EPHB2: variants seen among roughly 807,000 people sequenced by gnomAD.
EPHB2 encodes the protein EPH receptor B2, also known as ephrin type-B receptor 2.
A neutral mutation model predicts 96.4 loss-of-function variants in EPHB2; 18 were observed. That is an observed-to-expected ratio of 0.19 (90% confidence interval 0.13 to 0.28). The LOEUF is 0.28. Ranked by LOEUF, EPHB2 falls within the 10% of genes least tolerant of loss-of-function variation. The probability of loss-of-function intolerance (pLI) is 1.00; values close to 1 mark genes in which losing one functional copy is unlikely to be tolerated. For missense variants in EPHB2, 989 were observed against 1,355.4 expected (o/e 0.73, Z 4.25); for synonymous variants, 506 against 534.1 (o/e 0.95, Z 0.72).
intron 6 of EPHB2, among the ~76,000 whole-genome samples, chr1:22,892,249 C>T (rs369842280): frequency 6.6e-6 from 1 of 152,166 alleles, no homozygotes; most frequent in Admixed American, 6.5e-5. Context: ...GAAGGGGATA[C>T]AGAAGTGAAT....
chr1:22,824,438 G>A (rs150361443), intron 3 of EPHB2, among the ~76,000 whole-genome samples: 304 of 152,300 alleles, frequency 2.0e-3, no homozygotes, highest in African/African-American at 6.7e-3. Flanking sequence ...TTCCAGAGCT[G>A]TTGTGTATTG....
At chr1:22,818,333 T>A (rs1645103149) in intron 3 of EPHB2, among the ~76,000 whole-genome samples, 1 of 152,062 alleles carries the variant, frequency 6.6e-6, no homozygotes, top group African/African-American at 2.4e-5. Context: ...CTCCTAAATA[T>A]CCCTGAGTAG....
intron 9 of EPHB2, among the ~76,000 whole-genome samples, chr1:22,901,019 A>C (rs1294640555): frequency 6.6e-6 from 1 of 152,234 alleles, no homozygotes; most frequent in African/African-American, 2.4e-5. Flanking sequence ...GCCACTGGCC[A>C]GCTGGGTGAC....
chr1:22,758,153 C>T (rs1175020929), intron 1 of EPHB2, among the ~76,000 whole-genome samples: 3 of 147,136 alleles, frequency 2.0e-5, no homozygotes, highest in Admixed American at 6.8e-5. Context: ...CTCCTGACCT[C>T]GTGATCCGCC....
chr1:22,727,687 A>G (rs1343247562), intron 1 of EPHB2, among the ~76,000 whole-genome samples: 3 of 151,730 alleles, frequency 2.0e-5, no homozygotes. Context: ...CAAGGGAGAT[A>G]AGTTGGTGTC....
intron 1 of EPHB2, among the ~76,000 whole-genome samples, chr1:22,730,023 A>G (rs1643671851): frequency 6.6e-6 from 1 of 152,198 alleles, no homozygotes; most frequent in African/African-American, 2.4e-5. Context: ...CTTTAATTGA[A>G]CGGAGTGGGA....
intron 1 of EPHB2, among the ~76,000 whole-genome samples, chr1:22,776,329 A>T (rs1332549278): frequency 6.6e-6 from 1 of 152,206 alleles, no homozygotes; most frequent in Non-Finnish European, 1.5e-5. Flanking sequence ...CCTGGAAGCC[A>T]TCCCTAAATT....
rs114924939 is a variant in EPHB2, at chr1:22,717,940, T to C, written c.61+6897T>C. Among the ~76,000 whole-genome samples the C allele has an allele frequency of 9.5e-3, 1,448 of 152,306 alleles. 27 individuals are homozygous for C. The highest frequency in any genetic ancestry group is 0.033 in the African/African-American group (1,381 of 41,560). On this transcript the variant is annotated intron_variant, in intron 1 of 15. Transcript: ENST00000374630. ...TCTTTCAAATGGGGGTAATCATTGT[T>C]CCTAGCTCTTGAGATGGTTGTGAGC...
At chr1:22,904,719 G>T (rs1324535919) in intron 9 of EPHB2, among the ~76,000 whole-genome samples, 1 of 152,222 alleles carries the variant, frequency 6.6e-6, no homozygotes, top group Non-Finnish European at 1.5e-5. Context: ...GCAAAGGAAT[G>T]AGCATGGTTG....
At chr1:22,719,922 T>C (rs544533991) in intron 1 of EPHB2, among the ~76,000 whole-genome samples, 2 of 152,332 alleles carry the variant, frequency 1.3e-5, no homozygotes, top group South Asian at 2.1e-4. Context: ...ATTCAGTGGA[T>C]TGGCTGGGCT....
At chr1:22,896,798 G>A (rs1391031661) in intron 9 of EPHB2, among the ~76,000 whole-genome samples, 1 of 152,208 alleles carries the variant, frequency 6.6e-6, no homozygotes, top group African/African-American at 2.4e-5. Flanking sequence ...CTCGCAGGCT[G>A]CATTGAGGTG....
intron 3 of EPHB2, among the ~76,000 whole-genome samples, chr1:22,789,766 G>A (rs1394392457): frequency 6.6e-6 from 1 of 152,212 alleles, no homozygotes; most frequent in Non-Finnish European, 1.5e-5. Flanking sequence ...ACTAGTTGCA[G>A]AATGTGATGA....
At chr1:22,890,037 T>A (rs913066215) in intron 6 of EPHB2, among the ~76,000 whole-genome samples, 12 of 152,106 alleles carry the variant, frequency 7.9e-5, no homozygotes, top group African/African-American at 2.7e-4. Context: ...TTAGGGATGT[T>A]GCAGGAGAGA....
intron 9 of EPHB2, among the ~76,000 whole-genome samples, chr1:22,897,072 C>T (rs990890297): frequency 1.3e-5 from 2 of 152,188 alleles, no homozygotes; most frequent in African/African-American, 4.8e-5. Flanking sequence ...CTGTTCTTCC[C>T]CAGTGACTCC....
At chr1:22,895,657 C>T (rs1039269367) in intron 8 of EPHB2, 77 bp downstream of exon 8, 53 of 1,343,834 alleles carry the variant, frequency 3.9e-5, no homozygotes, top group Admixed American at 1.2e-4. Flanking sequence ...CATCCCTCTA[C>T]AGTGCTGGTG....
At chr1:22,874,740 A>G (rs1638782476) in intron 5 of EPHB2, among the ~76,000 whole-genome samples, 1 of 152,200 alleles carries the variant, frequency 6.6e-6, no homozygotes, top group South Asian at 2.1e-4. Context: ...GAGCACATGA[A>G]CAGCCAATTG....
chr1:22,829,944 G>A (rs910829043), intron 3 of EPHB2, among the ~76,000 whole-genome samples: 2 of 152,226 alleles, frequency 1.3e-5, no homozygotes, highest in African/African-American at 4.8e-5. Flanking sequence ...AATGGGGCAG[G>A]AGAGGTAAGT....
At chr1:22,845,219 G>A (rs913710448) in intron 3 of EPHB2, among the ~76,000 whole-genome samples, 4 of 152,202 alleles carry the variant, frequency 2.6e-5, no homozygotes, top group African/African-American at 9.7e-5. Context: ...CTCTGTGCCT[G>A]TATCCCTTGT....
At chr1:22,779,311 AC>A (rs1359659199) in intron 1 of EPHB2, among the ~76,000 whole-genome samples, 7 of 151,038 alleles carry the variant, frequency 4.6e-5, no homozygotes, top group African/African-American at 1.5e-4. Flanking sequence ...CTTACCCCAC[AC>A]CCCCTCCCTG....
Sources: gnomAD v4.1 joint callset for allele counts (sites outside exome capture counted in the v4.1 genomes callset) on GRCh38, gnomAD v4.1.1 for gene constraint, MANE v1.5 for transcripts, NCBI Gene and HGNC (gene_info 2026-07-23, HGNC 2026-07-21) for gene names.